The following ST14 variants were observed in gnomAD, a reference collection of about 807,000 sequenced individuals.
ST14 encodes suppressor of tumorigenicity 14 protein.
In ST14, 40 loss-of-function variants were observed where a neutral mutation model predicts 96.5. The ratio of observed to expected loss-of-function variants is 0.41; its 90% CI spans 0.32 to 0.54. The LOEUF is 0.54. Among genes scored for constraint, ST14 ranks in the 20% least tolerant of loss-of-function variants. The probability of loss-of-function intolerance (pLI) is 0.17; values close to 1 mark genes in which losing one functional copy is unlikely to be tolerated. For synonymous variants in ST14, 506 were observed against 492.1 expected, an observed-to-expected ratio of 1.03 and a Z score of -0.37; for missense variants, 1,066 against 1,188.9, an observed-to-expected ratio of 0.90 and a Z score of 1.52.
chr11:130,182,301 TTTTCTTTG>T (rs1166514980), intron 1 of ST14, among the ~76,000 whole-genome samples: 1 of 152,158 alleles, frequency 6.6e-6, no homozygotes, highest in Non-Finnish European at 1.5e-5. Flanking sequence ...ACATTTCTTT[TTTTCTTTG>T]TTTCTTTCTT....
Position 130,188,666 on chromosome 11 carries a change from A to T in ST14, c.369+9A>T, listed in dbSNP as rs769742009. On this transcript the variant is annotated intron_variant, in intron 3 of 18. Transcript: ENST00000278742. This position sits in a 1 kb window ranked among gnomAD's most constrained non-coding sequence, Gnocchi z 5.4. ...GCAAGGTGAAGGACGCGGTGAGTGC[A>T]GCCTGCCCAGAGTCCTGCTGGGCTG... The T allele has an allele frequency of 1.9e-6, 3 of 1,614,168 alleles. No homozygotes were observed. The highest frequency in any genetic ancestry group is 2.5e-6 in the Non-Finnish European group (3 of 1,180,024).
chr11:130,207,255 T>C (rs1953498642), intron 16 of ST14, among the ~76,000 whole-genome samples: 2 of 152,134 alleles, frequency 1.3e-5, no homozygotes, highest in Non-Finnish European at 2.9e-5. Flanking sequence ...GGCCAGTTTT[T>C]AAGAATTGTG....
At chr11:130,191,626 G>C (rs375130958) in intron 7 of ST14, among the ~76,000 whole-genome samples, 184 of 150,116 alleles carry the variant, frequency 1.2e-3, no homozygotes, top group East Asian at 7.0e-3. Flanking sequence ...GGAGGCAGAG[G>C]TTGCAGTGAG....
In ST14 at chr11:130,198,731, G is replaced by A. The variant is rs1470287784; in HGVS notation, c.1684+110G>A. On this transcript the variant is annotated intron_variant, in intron 14 of 18. Coordinates refer to ENST00000278742, the MANE Select transcript of ST14 (RefSeq NM_021978.4). ...CGAGTTTAATGAACACAAACCACCT[G>A]TGTGTTAAGTGTGATGAGAAAGGGC... is the stretch of plus-strand genomic sequence containing the variant. 4.6e-6 allele frequency: 6 copies of A among 1,309,752 alleles called. No individual in the cohort carries two copies. The Admixed American group carries it at 5.9e-5, about 13-fold the overall frequency. 81.1% of individuals were successfully genotyped at this position (1,309,752 alleles called of 1,614,324 possible).
In ST14 at chr11:130,194,219, C is replaced by G. The variant is rs756424970; in HGVS notation, c.946C>G (p.Leu316Val). The change falls in exon 8 of 19, where the codon CTG becomes GTG. Residue 316 changes from leucine (L) to valine (V), a missense_variant. Leu to Val is a conservative substitution (Grantham distance 32, BLOSUM62 1). Transcript: ENST00000278742. Reference protein sequence around the residue: ...HSSQNVLLITLITNTERRHPG... With the variant: ...HSSQNVLLITVITNTERRHPG... Reference sequence around the variant, plus strand: ...CTCCCAGAACGTCCTGCTCATCACACTGATAACCAACACTGAGCGGCGGCA... The same window carrying G: ...CTCCCAGAACGTCCTGCTCATCACAGTGATAACCAACACTGAGCGGCGGCA... 6.2e-7 allele frequency: 1 copy of G among 1,614,242 alleles called. No individual in the cohort carries two copies. Among genetic ancestry groups the G allele is most frequent in the East Asian group, 2.2e-5 (1 of 44,872 alleles).
chr11:130,193,657 A>G lies in ST14; in HGVS notation c.876-492A>G, dbSNP rs373663428. On this transcript the variant is annotated intron_variant, in intron 7 of 18. Transcript: ENST00000278742. ...GCTAATTTTTGTATCTTTAGTAGAGATGGGATTTCACCATGTTGGCCAGGC... is the reference window on the plus strand; with the variant it reads ...GCTAATTTTTGTATCTTTAGTAGAGGTGGGATTTCACCATGTTGGCCAGGC... Among the ~76,000 whole-genome samples, 39 of 151,960 alleles carry G rather than the reference A, an allele frequency of 2.6e-4. 1 individual carries two copies. The East Asian group carries it at 6.2e-3, about 24-fold the overall frequency.
intron 1 of ST14, among the ~76,000 whole-genome samples, chr11:130,170,434 G>A (rs745424767): frequency 1.3e-5 from 2 of 152,160 alleles, no homozygotes; most frequent in African/African-American, 2.4e-5. Flanking sequence ...GCAGTAGGAA[G>A]AGGAAACCGG....
chr11:130,210,002 A>G lies in ST14; in HGVS notation c.*179A>G, dbSNP rs1331565521. On this transcript the variant is annotated 3_prime_UTR_variant, in exon 19 of 19. Transcript: ENST00000278742. ...AAAACCTCTCGCTTCCTCAGCCTCC[A>G]AAGTGGAGCTGGGAGGTAGAAGGGG... is the stretch of plus-strand genomic sequence containing the variant. The G allele has an allele frequency of 7.9e-6, 6 of 763,424 alleles. No homozygotes were observed. The East Asian group carries it at 1.6e-4, about 21-fold the overall frequency. 47.3% of individuals were successfully genotyped at this position (763,424 alleles called of 1,614,324 possible). A position where few individuals can be genotyped will look rare whatever the true frequency, so the allele number is the denominator to read the frequency against.
At chr11:130,184,331 C>T (rs1275356504) in intron 1 of ST14, among the ~76,000 whole-genome samples, 2 of 152,134 alleles carry the variant, frequency 1.3e-5, no homozygotes, top group Non-Finnish European at 2.9e-5. Context: ...AAGAAATTCC[C>T]AAAGTAGAAC....
chr11:130,176,636 C>T (rs1953140937), intron 1 of ST14, among the ~76,000 whole-genome samples: 1 of 152,038 alleles, frequency 6.6e-6, no homozygotes, highest in African/African-American at 2.4e-5. Flanking sequence ...GATCCGCCTG[C>T]CTCGGCCTCC....
In ST14 at chr11:130,197,852, C is replaced by A; in HGVS notation, c.1366C>A (p.Gln456Lys). 6.3e-7 allele frequency: 1 copy of A among 1,580,230 alleles called. No individual in the cohort carries two copies. The highest frequency in any genetic ancestry group is 8.6e-7 in the Non-Finnish European group (1 of 1,167,042). Residue 456 changes from glutamine (Q) to lysine (K), a missense_variant, in exon 12 of 19, where the codon CAG becomes AAG. By Grantham distance (53) the Gln-to-Lys change is moderately conservative. Coordinates refer to ENST00000278742, the MANE Select transcript of ST14 (RefSeq NM_021978.4). The stretch of plus-strand genomic sequence containing the variant: ...GCCTGTGCCCGCAGCATGCCCGGGG[C>A]AGTTCACGTGCCGCACGGGGCGGTG... The part of the protein sequence containing the change: ...SYDSSDPCPG[Q>K]FTCRTGRCIR...
At chr11:130,177,494 T>C (rs1207710811) in intron 1 of ST14, among the ~76,000 whole-genome samples, 3 of 151,690 alleles carry the variant, frequency 2.0e-5, no homozygotes, top group Non-Finnish European at 2.9e-5. Context: ...ACCTGGGAGG[T>C]GGAGGTTGTG....
Position 130,164,718 on chromosome 11 carries a change from CTTATTATTA to C in ST14, c.81+4685_81+4693del, listed in dbSNP as rs57338069. 4.3e-3 allele frequency among the ~76,000 whole-genome samples: 602 copies of C among 141,590 alleles called. 16 individuals carry two copies. In the East Asian group the frequency reaches 0.055, roughly 13 times the overall value. The allele number at this position is 141,590 out of a possible 152,430, so 92.9% of individuals were successfully genotyped here. On this transcript the variant is annotated intron_variant, in intron 1 of 18. Coordinates refer to ENST00000278742, the MANE Select transcript of ST14 (RefSeq NM_021978.4). ...ACAAGTGTGAGCCCCCACACCCAGC[CTTATTATTA>C]TTATTATTATTATTATTATTATTAT...
At chr11:130,185,296 G>A (rs764888613) in intron 1 of ST14, among the ~76,000 whole-genome samples, 23 of 151,980 alleles carry the variant, frequency 1.5e-4, no homozygotes, top group Non-Finnish European at 3.4e-4. Context: ...ATAATGAGAT[G>A]GATAATACAG....
At position 130,196,606 on chromosome 11, in the gene ST14, C is replaced by T. The variant is rs75609792; in HGVS notation, c.1260C>T (p.Ser420=). The T allele has an allele frequency of 5.0e-3, 8,070 of 1,613,930 alleles. 308 individuals are homozygous for T. The African/African-American group carries it at 0.085, about 17-fold the overall frequency. The change falls in exon 11 of 19, where the codon AGC becomes AGT. Residue 420 remains serine, a synonymous_variant. Transcript: ENST00000278742. ...CGERSQFVVT[S]NSNKITVRFH... The stretch of plus-strand genomic sequence containing the variant: ...AGAGGTCCCAGTTCGTCGTCACCAG[C>T]AACAGCAACAAGATCACAGTTCGCT...
chr11:130,199,303 CTG>C (rs1394398501), intron 15 of ST14, among the ~76,000 whole-genome samples: 1 of 152,226 alleles, frequency 6.6e-6, no homozygotes, highest in Non-Finnish European at 1.5e-5. Flanking sequence ...CTCAGCGCCT[CTG>C]TAGCATGGCG....
At chr11:130,193,073 T>A (rs1404076957) in intron 7 of ST14, among the ~76,000 whole-genome samples, 1 of 151,656 alleles carries the variant, frequency 6.6e-6, no homozygotes, top group Admixed American at 6.6e-5. Context: ...AGTTAATAGA[T>A]TTAAAAGCAC....
chr11:130,207,315 C>T (rs932086678), intron 16 of ST14, among the ~76,000 whole-genome samples: 1 of 152,166 alleles, frequency 6.6e-6, no homozygotes, highest in Non-Finnish European at 1.5e-5. Flanking sequence ...CTTTGGGAGG[C>T]CAAGGTGGGC....
chr11:130,187,436 G>C lies in ST14; in HGVS notation c.82-678G>C, dbSNP rs563871714. On this transcript the variant is annotated intron_variant, in intron 1 of 18. Transcript: ENST00000278742. The surrounding 1 kb of genome is among the most constrained non-coding windows in gnomAD (Gnocchi z 4.5). ...GCTTTTCCCTCTGTTGGGGCTGCGC[G>C]TGGGTGTGGATTCCCACAGTGGGCC... is the stretch of plus-strand genomic sequence containing the variant. Among the ~76,000 whole-genome samples, 2 of 152,206 alleles carry C rather than the reference G, an allele frequency of 1.3e-5. No homozygotes were observed. Among genetic ancestry groups the C allele is most frequent in the African/African-American group, 2.4e-5 (1 of 41,440 alleles).
Sources: gnomAD v4.1 joint callset for allele counts (sites outside exome capture counted in the v4.1 genomes callset) on GRCh38, gnomAD v4.1.1 for gene constraint, Gnocchi (gnomAD v3.1) non-coding constraint, MANE v1.5 for transcripts, NCBI Gene and HGNC (gene_info 2026-07-23, HGNC 2026-07-21) for gene names.